The following XIAP variants were observed in gnomAD, a reference collection of about 807,000 sequenced individuals.
XIAP encodes X-linked inhibitor of apoptosis.
XIAP carries 3 observed loss-of-function variants against 33.1 expected under a neutral mutation model. That is an observed-to-expected ratio of 0.09 (90% CI 0.04 to 0.23). XIAP has a LOEUF of 0.23. XIAP is among the 10% of genes least tolerant of loss of function. The probability of loss-of-function intolerance (pLI) is 1.00; values close to 1 mark genes in which losing one functional copy is unlikely to be tolerated. For synonymous variants in XIAP, 98 were observed against 121.3 expected (o/e 0.81, Z 1.26); for missense variants, 264 against 363.0 (o/e 0.73, Z 2.22).
At chrX:123,869,538 G>GA (rs67633767) in intron 1 of XIAP, among the ~76,000 whole-genome samples, 6 of 101,283 alleles carry the variant, frequency 5.9e-5, no homozygotes, top group Admixed American at 1.1e-4. Flanking sequence ...ATAAAGAAAA[G>GA]AAAAAAAAAA....
rs1445844189 is a variant in XIAP, at chrX:123,860,098, C to T, written c.-228C>T. 1 of 328,335 alleles carries T rather than the reference C, an allele frequency of 3.0e-6. No homozygotes were observed. Among genetic ancestry groups the T allele is most frequent in the Non-Finnish European group, 5.9e-6 (1 of 169,724 alleles). 27.1% of individuals were successfully genotyped at this position (328,335 alleles called of 1,213,427 possible). ...CTTCGGGTTTCACGACTCCGGGTTTCTCCAGGGGATGGGCCGGCCGGTAGA... is the reference window on the plus strand; with the variant it reads ...CTTCGGGTTTCACGACTCCGGGTTTTTCCAGGGGATGGGCCGGCCGGTAGA... On this transcript the variant is annotated 5_prime_UTR_variant, in exon 1 of 7. Coordinates refer to ENST00000371199, the MANE Select transcript of XIAP (RefSeq NM_001167.4).
At chrX:123,881,904 C>T (rs937093369) in intron 1 of XIAP, among the ~76,000 whole-genome samples, 1 of 110,182 alleles carries the variant, frequency 9.1e-6, no homozygotes, top group Admixed American at 9.8e-5. Context: ...TAGGCATGTG[C>T]CACCACACCC....
chrX:123,901,803 C>A (rs2053516208), intron 6 of XIAP, among the ~76,000 whole-genome samples: 1 of 109,993 alleles, frequency 9.1e-6, no homozygotes, highest in African/African-American at 3.3e-5. Flanking sequence ...GTAAAATAAA[C>A]CCTTTAATTG....
At position 123,907,645 on chromosome X, in the gene XIAP, G is replaced by A. The variant is rs1317572640; in HGVS notation, c.*464G>A. The A allele has an allele frequency of 2.7e-6, 1 of 373,884 alleles. No homozygotes were observed. Among genetic ancestry groups the A allele is most frequent in the Admixed American group, 3.0e-5 (1 of 33,077 alleles). The allele number at this position is 373,884 out of a possible 1,213,427, so 30.8% of individuals were successfully genotyped here. ...TGTTCCATGCTGGTGGAAAGATAGA[G>A]ATTGTTTTTAGAGGTTGGTTGTTGT... On this transcript the variant is annotated 3_prime_UTR_variant, in exon 7 of 7. Coordinates refer to ENST00000371199, the MANE Select transcript of XIAP (RefSeq NM_001167.4).
At chrX:123,888,814 T>C in intron 3 of XIAP, 96 bp downstream of exon 3, 1 of 733,487 alleles carries the variant, frequency 1.4e-6, no homozygotes, top group East Asian at 3.4e-5. Flanking sequence ...GCCTTCACTA[T>C]GGCTTGAAAT....
At chrX:123,891,727 G>C (rs191855452) in intron 4 of XIAP, among the ~76,000 whole-genome samples, 19 of 108,182 alleles carry the variant, frequency 1.8e-4, no homozygotes, top group Non-Finnish European at 3.3e-4. Flanking sequence ...CGGCTGAGGC[G>C]GGAGGATCGC....
chrX:123,875,397 A>G (rs1314420764), intron 1 of XIAP, among the ~76,000 whole-genome samples: 1 of 111,747 alleles, frequency 8.9e-6, no homozygotes, highest in Non-Finnish European at 1.9e-5. Flanking sequence ...AGATAATCAT[A>G]TATTTAAGAC....
intron 2 of XIAP, among the ~76,000 whole-genome samples, chrX:123,887,726 ATAATCCCAGCACTT>A (rs1273371747): frequency 9.0e-6 from 1 of 111,417 alleles, no homozygotes; most frequent in Non-Finnish European, 1.9e-5. Context: ...GCTCCCGCCT[ATAATCCCAGCACTT>A]TGGGAGGCTG....
intron 1 of XIAP, chrX:123,873,743 A>G (rs1359954999): frequency 9.7e-6 from 1 of 103,495 alleles, no homozygotes; most frequent in East Asian, 3.1e-4. Flanking sequence ...CCTGACCAAC[A>G]TGGTGAAACC....
At chrX:123,875,861 T>C (rs2148078393) in intron 1 of XIAP, among the ~76,000 whole-genome samples, 1 of 111,499 alleles carries the variant, frequency 9.0e-6, no homozygotes, top group African/African-American at 3.3e-5. Flanking sequence ...AATTTTTGTA[T>C]TTTTAGTAGA....
Position 123,912,063 on chromosome X carries a change from T to G in XIAP, c.*4882T>G, listed in dbSNP as rs1192119291. The G allele has an allele frequency of 9.2e-6, 3 of 326,582 alleles. No homozygotes were observed. Among genetic ancestry groups the G allele is most frequent in the Admixed American group, 6.3e-5 (2 of 31,703 alleles). 26.9% of individuals were successfully genotyped at this position (326,582 alleles called of 1,213,427 possible). ...AGGTCCAAATGTTTATGTTTTCAAC[T>G]ACTCTTTCCACTGTACCATAACTTT... On this transcript the variant is annotated 3_prime_UTR_variant, in exon 7 of 7. Transcript: ENST00000371199.
In XIAP at chrX:123,910,792, C is replaced by T. The variant is rs28382746; in HGVS notation, c.*3611C>T. 1,946 of 277,406 alleles carry T rather than the reference C, an allele frequency of 7.0e-3. 40 individuals are homozygous for T. The highest frequency in any genetic ancestry group is 0.053 in the African/African-American group (1,769 of 33,593). The allele number at this position is 277,406 out of a possible 1,213,427, so 22.9% of individuals were successfully genotyped here. A position where few individuals can be genotyped will look rare whatever the true frequency, so the allele number is the denominator to read the frequency against. On this transcript the variant is annotated 3_prime_UTR_variant, in exon 7 of 7. Coordinates refer to ENST00000371199, the MANE Select transcript of XIAP (RefSeq NM_001167.4). ...CTGAGGCAGGAGAATGGTGTGAACC[C>T]GGGAGGCAGAGCTTGCAGTGAGCCG...
In XIAP at chrX:123,911,841, T is replaced by G. The variant is rs1484298477; in HGVS notation, c.*4660T>G. 1 of 329,630 alleles carries G rather than the reference T, an allele frequency of 3.0e-6. No individual in the cohort carries two copies. The highest frequency in any genetic ancestry group is 5.9e-6 in the Non-Finnish European group (1 of 170,081). 27.2% of individuals were successfully genotyped at this position (329,630 alleles called of 1,213,427 possible). On this transcript the variant is annotated 3_prime_UTR_variant, in exon 7 of 7. Transcript: ENST00000371199. ...TACAGTTAACACAATGTGAATTTCT[T>G]CCTCAGCATAACAGAGTTATAGAAT...
chrX:123,862,627 A>AAGGC (rs1388994142), intron 1 of XIAP, among the ~76,000 whole-genome samples: 4 of 80,380 alleles, frequency 5.0e-5, no homozygotes, highest in South Asian at 4.6e-4. Flanking sequence ...TTGGGACGCC[A>AAGGC]AGGCGGGCAG....
At position 123,909,879 on chromosome X, in the gene XIAP, A is replaced by G. The variant is rs1164964732; in HGVS notation, c.*2698A>G. On this transcript the variant is annotated 3_prime_UTR_variant, in exon 7 of 7. Coordinates refer to ENST00000371199, the MANE Select transcript of XIAP (RefSeq NM_001167.4). ...AACAGCATTTGTCTGTGTTTGAACT[A>G]TAAAAAGCACCGGATCTTTTCCATC... 6.1e-6 allele frequency: 2 copies of G among 329,888 alleles called. No homozygotes were observed. Among genetic ancestry groups the G allele is most frequent in the Non-Finnish European group, 1.2e-5 (2 of 170,029 alleles). 27.2% of individuals were successfully genotyped at this position (329,888 alleles called of 1,213,427 possible). A position where few individuals can be genotyped will look rare whatever the true frequency, so the allele number is the denominator to read the frequency against.
chrX:123,868,208 G>T (rs751778979), intron 1 of XIAP, among the ~76,000 whole-genome samples: 1 of 109,771 alleles, frequency 9.1e-6, no homozygotes, highest in Admixed American at 9.9e-5. Flanking sequence ...TGTGAAGATC[G>T]CTTGAGCCCG....
At chrX:123,891,369 T>C (rs2053406139) in intron 4 of XIAP, 53 bp downstream of exon 4, 11 of 596,831 alleles carry the variant, frequency 1.8e-5, no homozygotes, top group Admixed American at 1.4e-4. Flanking sequence ...TTATAATTTA[T>C]ATTTTCATTA....
chrX:123,867,220 G>A (rs1295237271), intron 1 of XIAP, among the ~76,000 whole-genome samples: 5 of 105,768 alleles, frequency 4.7e-5, no homozygotes, highest in African/African-American at 6.9e-5. Context: ...ACAGGTGCCC[G>A]CCACCACGCC....
chrX:123,913,862 T>C lies in XIAP; in HGVS notation c.*6681T>C. On this transcript the variant is annotated 3_prime_UTR_variant, in exon 7 of 7. Coordinates refer to ENST00000371199, the MANE Select transcript of XIAP (RefSeq NM_001167.4). Reference sequence around the variant, plus strand: ...TTTTTTCACTTAGAACCTTTCTGTGTGGAAAACTAAGAAAATTGCTTTCTG... The same window carrying C: ...TTTTTTCACTTAGAACCTTTCTGTGCGGAAAACTAAGAAAATTGCTTTCTG... 2 of 314,200 alleles carry C rather than the reference T, an allele frequency of 6.4e-6. No homozygotes were observed. The highest frequency in any genetic ancestry group is 2.1e-3 in the Middle Eastern group (2 of 961). The allele number at this position is 314,200 out of a possible 1,213,427, so 25.9% of individuals were successfully genotyped here.
Sources: gnomAD v4.1 joint callset for allele counts (sites outside exome capture counted in the v4.1 genomes callset) on GRCh38, gnomAD v4.1.1 for gene constraint, MANE v1.5 for transcripts, NCBI Gene and HGNC (gene_info 2026-07-23, HGNC 2026-07-21) for gene names.